TRAPPC9: variants seen among roughly 807,000 people sequenced by gnomAD.
TRAPPC9 encodes trafficking protein particle complex subunit 9.
TRAPPC9 carries 83 observed loss-of-function variants against 124.0 expected under a neutral mutation model. The ratio of observed to expected loss-of-function variants is 0.67; its 90% CI spans 0.56 to 0.80. TRAPPC9 has a LOEUF of 0.80. Among genes scored for constraint, TRAPPC9 ranks in the 30% least tolerant of loss-of-function variants. The pLI, the probability that TRAPPC9 is intolerant of heterozygous loss-of-function variation, is 0.00. For missense variants in TRAPPC9, 1,302 were observed against 1,508.3 expected (o/e 0.86, Z 2.27); for synonymous variants, 638 against 617.5 (o/e 1.03, Z -0.49).
At position 140,439,057 on chromosome 8, in the gene TRAPPC9, A is replaced by C. The variant is rs1432684493; in HGVS notation, c.725T>G (p.Leu242Arg). Residue 242 changes from leucine to arginine, a missense_variant, in exon 3 of 23, where the codon CTT becomes CGT. Coordinates refer to ENST00000438773, the MANE Select transcript of TRAPPC9 (RefSeq NM_001160372.4). The part of the protein sequence containing the change: ...LLRSVNDFLW[L>R]GAALEGLCSA... Reference sequence around the variant, plus strand: ...TCTTCATCAGCTCATCTTACCTCCAAGCCACAGAAAGTCATTCACAGAACG... The same window carrying C: ...TCTTCATCAGCTCATCTTACCTCCACGCCACAGAAAGTCATTCACAGAACG... 1 of 1,614,170 alleles carries C rather than the reference A, an allele frequency of 6.2e-7. No individual in the cohort carries two copies. The highest frequency in any genetic ancestry group is 1.1e-5 in the South Asian group (1 of 91,086).
intron 19 of TRAPPC9, among the ~76,000 whole-genome samples, chr8:139,936,603 G>A (rs576966439): frequency 1.3e-5 from 2 of 152,360 alleles, no homozygotes; most frequent in East Asian, 3.9e-4. Flanking sequence ...CGAAAGGTAA[G>A]TGTGTGGCAC....
chr8:139,954,540 T>C (rs1834858871), intron 19 of TRAPPC9, among the ~76,000 whole-genome samples: 2 of 152,194 alleles, frequency 1.3e-5, no homozygotes, highest in South Asian at 4.1e-4. Flanking sequence ...ACCCAGTCTG[T>C]GGTACTTTGT....
At chr8:140,070,513 A>G (rs1182329225) in intron 17 of TRAPPC9, among the ~76,000 whole-genome samples, 2 of 152,218 alleles carry the variant, frequency 1.3e-5, no homozygotes, top group East Asian at 1.9e-4. Context: ...TCTTTCAATA[A>G]TCGACACTTA....
chr8:140,405,312 A>C, intron 6 of TRAPPC9: 1 of 321,644 alleles, frequency 3.1e-6, no homozygotes, highest in East Asian at 7.3e-5. Context: ...AATAGATATA[A>C]AATATTAACA....
At chr8:140,053,967 T>A (rs1262051820) in intron 17 of TRAPPC9, among the ~76,000 whole-genome samples, 1 of 152,228 alleles carries the variant, frequency 6.6e-6, no homozygotes, top group Admixed American at 6.5e-5. Context: ...GTGGTCCATA[T>A]ACACCATGGA....
chr8:139,803,883 T>A (rs940425199), intron 21 of TRAPPC9, among the ~76,000 whole-genome samples: 1 of 152,102 alleles, frequency 6.6e-6, no homozygotes, highest in Non-Finnish European at 1.5e-5. Flanking sequence ...TAGTCTGAAA[T>A]AAATGACGTC....
intron 17 of TRAPPC9, chr8:140,095,920 C>T (rs1844913107): frequency 6.6e-6 from 1 of 152,148 alleles, no homozygotes; most frequent in South Asian, 2.1e-4. Flanking sequence ...ATTCTACCTC[C>T]ACCACTTCCC....
intron 14 of TRAPPC9, among the ~76,000 whole-genome samples, chr8:140,282,229 G>A (rs1057409651): frequency 6.6e-6 from 1 of 152,234 alleles, no homozygotes; most frequent in Non-Finnish European, 1.5e-5. Context: ...CAGGCTGGAT[G>A]TGGTAGCTTG....
chr8:140,370,780 C>T (rs981789931), intron 8 of TRAPPC9, among the ~76,000 whole-genome samples, 184 bp downstream of exon 8: 1 of 152,234 alleles, frequency 6.6e-6, no homozygotes, highest in Non-Finnish European at 1.5e-5. Flanking sequence ...AGCCCCAAGG[C>T]AAAGCACCAG....
In TRAPPC9 at chr8:140,456,594, A is replaced by G. The variant is rs554069381; in HGVS notation, c.-11+1045T>C. Reference sequence around the variant, plus strand: ...CACTACTAGTCCTCCACACAATTAAAAAAACGAACAAACACACACAACAAA... The same window carrying G: ...CACTACTAGTCCTCCACACAATTAAGAAAACGAACAAACACACACAACAAA... On this transcript the variant is annotated intron_variant, in intron 1 of 22. Transcript: ENST00000438773. Among the ~76,000 whole-genome samples the G allele has an allele frequency of 2.1e-4, 32 of 152,244 alleles. No individual in the cohort carries two copies. In the East Asian group the frequency reaches 6.2e-3, roughly 29 times the overall value.
chr8:140,205,553 C>A (rs1316668140), intron 17 of TRAPPC9, among the ~76,000 whole-genome samples: 1 of 152,178 alleles, frequency 6.6e-6, no homozygotes, highest in Non-Finnish European at 1.5e-5. Flanking sequence ...ACTTCACGGC[C>A]TACTTGAAAA....
chr8:140,379,047 CA>C (rs1275699107), intron 7 of TRAPPC9, among the ~76,000 whole-genome samples: 10 of 151,892 alleles, frequency 6.6e-5, no homozygotes, highest in Non-Finnish European at 1.0e-4. Context: ...AAGTATTTTC[CA>C]AACTTAAGTA....
In TRAPPC9 at chr8:140,301,886, G is replaced by A. The variant is rs570479658; in HGVS notation, c.1623-1272C>T. On this transcript the variant is annotated intron_variant, in intron 10 of 22. Transcript: ENST00000438773. ...AGAAGGTGGAGCACCAGACAGATGC[G>A]GCCTGGAGCACTCAGCAACCTCCCA... Among the ~76,000 whole-genome samples the A allele has an allele frequency of 8.8e-4, 134 of 152,316 alleles. 1 individual carries two copies. The highest frequency in any genetic ancestry group is 6.8e-3 in the Middle Eastern group (2 of 294).
chr8:140,001,440 A>G (rs1392470619), intron 18 of TRAPPC9, among the ~76,000 whole-genome samples: 3 of 152,170 alleles, frequency 2.0e-5, no homozygotes, highest in African/African-American at 7.2e-5. Flanking sequence ...GCTTAAAGGA[A>G]GCATAAGAAG....
At chr8:140,450,198 T>C (rs1323225386) in intron 2 of TRAPPC9, among the ~76,000 whole-genome samples, 1 of 152,004 alleles carries the variant, frequency 6.6e-6, no homozygotes, top group East Asian at 1.9e-4. Context: ...CTGTCTCTAT[T>C]AAAGATACAA....
chr8:140,282,445 G>A (rs940063354), intron 14 of TRAPPC9, among the ~76,000 whole-genome samples: 43 of 151,100 alleles, frequency 2.8e-4, no homozygotes, highest in Non-Finnish European at 6.2e-4. Flanking sequence ...GAAGGTTGCA[G>A]TGAGCCGAGA....
chr8:140,036,088 A>G (rs28621692), intron 17 of TRAPPC9, among the ~76,000 whole-genome samples: 57,111 of 151,978 alleles, frequency 0.38, 10,983 homozygotes, highest in African/African-American at 0.46. Flanking sequence ...TGGCGGGGCT[A>G]CAGAGAGAGC....
rs1817649786 is a variant in TRAPPC9, at chr8:139,728,242, C to A, written c.*2819G>T. On this transcript the variant is annotated 3_prime_UTR_variant, in exon 23 of 23. Transcript: ENST00000438773. ...TCCTTGTGAATTTCAGATGACGGAG[C>A]ATGACGGCTGCATGATTATGGGGTC... is the stretch of plus-strand genomic sequence containing the variant. Among the ~76,000 whole-genome samples, 2 of 152,156 alleles carry A rather than the reference C, an allele frequency of 1.3e-5. No homozygotes were observed.
chr8:139,771,883 C>G (rs1375904206), intron 21 of TRAPPC9, among the ~76,000 whole-genome samples: 2 of 152,186 alleles, frequency 1.3e-5, no homozygotes, highest in Non-Finnish European at 2.9e-5. Flanking sequence ...GACTCAGTGC[C>G]CACAGCCCTC....
Sources: gnomAD v4.1 joint callset for allele counts (sites outside exome capture counted in the v4.1 genomes callset) on GRCh38, gnomAD v4.1.1 for gene constraint, MANE v1.5 for transcripts, NCBI Gene and HGNC (gene_info 2026-07-23, HGNC 2026-07-21) for gene names.